BRIP1: variants seen among roughly 807,000 people sequenced by gnomAD.
BRIP1 encodes BRCA1 interacting DNA helicase 1.
A neutral mutation model predicts 119.7 loss-of-function variants in BRIP1; 88 were observed. The ratio of observed to expected loss-of-function variants is 0.74; its 90% CI spans 0.62 to 0.88. BRIP1 has a LOEUF of 0.88. Among genes scored for constraint, BRIP1 ranks in the 40% least tolerant of loss-of-function variants. BRIP1 has a pLI of 0.00. For missense variants in BRIP1, 1,259 were observed against 1,455.4 expected (o/e 0.87, Z 2.20); for synonymous variants, 443 against 496.5 (o/e 0.89, Z 1.43).
rs876659409 is a variant in BRIP1, at chr17:61,693,469, C to G, written c.2536G>C (p.Asp846His). ...CTTGGGTTATTCCTAAAGCGATCAT[C>G]CACTAGAATAAGAGCTCCCCAATCA... Reference protein sequence around the residue: ...RNDWGALILVDDRFRNNPSRY... With the variant: ...RNDWGALILVHDRFRNNPSRY... The change falls in exon 18 of 20, where the codon GAT (aspartate) becomes CAT (histidine). Residue 846 changes from aspartate to histidine, a missense_variant. Coordinates refer to ENST00000259008, the MANE Select transcript of BRIP1 (RefSeq NM_032043.3). The surrounding 1 kb of genome is among the most constrained non-coding windows in gnomAD (Gnocchi z 4.2). 1 of 1,613,646 alleles carries G rather than the reference C, an allele frequency of 6.2e-7. No individual in the cohort carries two copies. Among genetic ancestry groups the G allele is most frequent in the Admixed American group, 1.7e-5 (1 of 60,012 alleles).
In BRIP1 at chr17:61,774,462, CATTAGGAGAAATACCTA is replaced by C. The variant is rs1437907764; in HGVS notation, c.2097+1922_2097+1938del. 6.6e-6 allele frequency among the ~76,000 whole-genome samples: 1 copy of C among 152,120 alleles called. No individual in the cohort carries two copies. Among genetic ancestry groups the C allele is most frequent in the African/African-American group, 2.4e-5 (1 of 41,412 alleles). On this transcript the variant is annotated intron_variant, in intron 14 of 19. Coordinates refer to ENST00000259008, the MANE Select transcript of BRIP1 (RefSeq NM_032043.3). This position sits in a 1 kb window ranked among gnomAD's most constrained non-coding sequence, Gnocchi z 5.8. The stretch of plus-strand genomic sequence containing the variant: ...GGGTGGGGGCCTAGGGGAGGGATAG[CATTAGGAGAAATACCTA>C]ATGTAAATGACGAGTTGATGGGTGC...
chr17:61,725,816 G>A lies in BRIP1; in HGVS notation c.2380-9753C>T, dbSNP rs924561455. On this transcript the variant is annotated intron_variant, in intron 16 of 19. Coordinates refer to ENST00000259008, the MANE Select transcript of BRIP1 (RefSeq NM_032043.3). The surrounding 1 kb of genome is among the most constrained non-coding windows in gnomAD (Gnocchi z 5.3). Reference sequence around the variant, plus strand: ...TAAAAAAAAAAATTATTTTAGAGACGCAGTCTCACTACATTGCCCAGGCTG... The same window carrying A: ...TAAAAAAAAAAATTATTTTAGAGACACAGTCTCACTACATTGCCCAGGCTG... Among the ~76,000 whole-genome samples the A allele has an allele frequency of 1.3e-5, 2 of 151,986 alleles. No homozygotes were observed. Among genetic ancestry groups the A allele is most frequent in the Non-Finnish European group, 1.5e-5 (1 of 68,008 alleles).
rs879408732 is a variant in BRIP1 at position 61,824,935 on chromosome 17, C to T, written c.628-16178G>A. On this transcript the variant is annotated intron_variant, in intron 6 of 19. Coordinates refer to ENST00000259008, the MANE Select transcript of BRIP1 (RefSeq NM_032043.3). The surrounding 1 kb of genome is among the most constrained non-coding windows in gnomAD (Gnocchi z 4.3). ...AATCCAATTCCAAAATGGACAAAGG[C>T]AACATCATACTGAATGAGCAAAAGC... is the stretch of plus-strand genomic sequence containing the variant. Among the ~76,000 whole-genome samples, 7 of 152,130 alleles carry T rather than the reference C, an allele frequency of 4.6e-5. No homozygotes were observed. The highest frequency in any genetic ancestry group is 7.4e-5 in the Non-Finnish European group (5 of 68,022).
In BRIP1 at chr17:61,756,353, A is replaced by G. The variant is rs889484517; in HGVS notation, c.2098-11762T>C. 4.6e-5 allele frequency among the ~76,000 whole-genome samples: 7 copies of G among 152,222 alleles called. No individual in the cohort carries two copies. The highest frequency in any genetic ancestry group is 1.7e-4 in the African/African-American group (7 of 41,464). On this transcript the variant is annotated intron_variant, in intron 14 of 19. Coordinates refer to ENST00000259008, the MANE Select transcript of BRIP1 (RefSeq NM_032043.3). The surrounding 1 kb of genome is among the most constrained non-coding windows in gnomAD (Gnocchi z 4.3). Reference sequence around the variant, plus strand: ...GTACGATGACACAGAGCTGTCTCTCAGGTCTTATGGCTTACATATATGAAA... The same window carrying G: ...GTACGATGACACAGAGCTGTCTCTCGGGTCTTATGGCTTACATATATGAAA...
chr17:61,719,184 C>T (rs545565661), intron 16 of BRIP1, among the ~76,000 whole-genome samples: 2 of 148,564 alleles, frequency 1.3e-5, no homozygotes, highest in African/African-American at 2.5e-5. Context: ...TTGCCCCCCC[C>T]CCATGTTTAT....
intron 4 of BRIP1, among the ~76,000 whole-genome samples, chr17:61,855,370 G>A (rs1292184295): frequency 6.6e-6 from 1 of 152,114 alleles, no homozygotes; most frequent in Non-Finnish European, 1.5e-5. Flanking sequence ...TTGAGGTCAG[G>A]AGTTCGAGAC....
chr17:61,713,307 AT>A lies in BRIP1; in HGVS notation c.2492+2643del, dbSNP rs1309397244. ...ACTACAGTGTACTCCTTTCACTTAC[AT>A]TAAAAAAAAAGTTAACTATAAAACA... On this transcript the variant is annotated intron_variant, in intron 17 of 19. Coordinates refer to ENST00000259008, the MANE Select transcript of BRIP1 (RefSeq NM_032043.3). This position sits in a 1 kb window ranked among gnomAD's most constrained non-coding sequence, Gnocchi z 4.9. Among the ~76,000 whole-genome samples, 1 of 150,114 alleles carries A rather than the reference AT, an allele frequency of 6.7e-6. No individual in the cohort carries two copies. The highest frequency in any genetic ancestry group is 1.5e-5 in the Non-Finnish European group (1 of 67,470).
At position 61,680,486 on chromosome 17, in the gene BRIP1, T is replaced by C. The variant is rs2061256807; in HGVS notation, c.*2810A>G. 6.9e-6 allele frequency among the ~76,000 whole-genome samples: 1 copy of C among 144,508 alleles called. No individual in the cohort carries two copies. The highest frequency in any genetic ancestry group is 6.8e-5 in the Admixed American group (1 of 14,618). 94.8% of individuals were successfully genotyped at this position (144,508 alleles called of 152,430 possible). A position where few individuals can be genotyped will look rare whatever the true frequency, so the allele number is the denominator to read the frequency against. On this transcript the variant is annotated 3_prime_UTR_variant, in exon 20 of 20. Transcript: ENST00000259008. ...CCAATTCTAAAGGTAATTTCTTTTT[T>C]TTTTTTTTTTTGAGACGGAGTCCCG...
At chr17:61,835,337 C>A (rs2078555895) in intron 6 of BRIP1, among the ~76,000 whole-genome samples, 1 of 151,786 alleles carries the variant, frequency 6.6e-6, no homozygotes, top group Admixed American at 6.6e-5. Flanking sequence ...AAGGACAAGA[C>A]AACTACTAGC....
chr17:61,860,678 G>C lies in BRIP1; in HGVS notation c.93+769C>G, dbSNP rs1284567251. On this transcript the variant is annotated intron_variant, in intron 2 of 19. Transcript: ENST00000259008. The surrounding 1 kb of genome is among the most constrained non-coding windows in gnomAD (Gnocchi z 4.1). Reference sequence around the variant, plus strand: ...CTGTCTCAAAAACAAAAAGAAAAAAGGAAGTTCACAGCAGCATTGTTTGTA... The same window carrying C: ...CTGTCTCAAAAACAAAAAGAAAAAACGAAGTTCACAGCAGCATTGTTTGTA... 6.6e-6 allele frequency among the ~76,000 whole-genome samples: 1 copy of C among 151,920 alleles called. No homozygotes were observed. The highest frequency in any genetic ancestry group is 1.5e-5 in the Non-Finnish European group (1 of 67,974).
At chr17:61,696,231 T>C in intron 17 of BRIP1, among the ~76,000 whole-genome samples, 1 of 150,450 alleles carries the variant, frequency 6.6e-6, no homozygotes, top group African/African-American at 2.4e-5. Flanking sequence ...GAGAAGATCG[T>C]GTGGTTTTAG....
At position 61,831,177 on chromosome 17, in the gene BRIP1, T is replaced by G. The variant is rs1318996320; in HGVS notation, c.627+15924A>C. ...CTAGCACAAATGTCATACAGAACAGTGAGGGACCAGAATGTTTTCCACCAC... is the reference window on the plus strand; with the variant it reads ...CTAGCACAAATGTCATACAGAACAGGGAGGGACCAGAATGTTTTCCACCAC... On this transcript the variant is annotated intron_variant, in intron 6 of 19. Coordinates refer to ENST00000259008, the MANE Select transcript of BRIP1 (RefSeq NM_032043.3). The surrounding 1 kb of genome is among the most constrained non-coding windows in gnomAD (Gnocchi z 4.1). 6.6e-6 allele frequency among the ~76,000 whole-genome samples: 1 copy of G among 152,176 alleles called. No homozygotes were observed. Among genetic ancestry groups the G allele is most frequent in the Non-Finnish European group, 1.5e-5 (1 of 68,016 alleles).
intron 6 of BRIP1, among the ~76,000 whole-genome samples, chr17:61,811,451 G>A (rs370206337): frequency 2.6e-5 from 4 of 151,742 alleles, no homozygotes; most frequent in African/African-American, 7.3e-5. Flanking sequence ...TCGAACTCCC[G>A]AAATCAGGTG....
rs1484775141 is a variant in BRIP1, at chr17:61,845,978, C to T, written c.627+1123G>A. Among the ~76,000 whole-genome samples the T allele has an allele frequency of 2.0e-5, 3 of 151,762 alleles. No homozygotes were observed. The highest frequency in any genetic ancestry group is 1.9e-4 in the East Asian group (1 of 5,158). On this transcript the variant is annotated intron_variant, in intron 6 of 19. Coordinates refer to ENST00000259008, the MANE Select transcript of BRIP1 (RefSeq NM_032043.3). This position sits in a 1 kb window ranked among gnomAD's most constrained non-coding sequence, Gnocchi z 4.2. ...TGGGCGGATCACGAGGTCAGAAGAT[C>T]GAGACCATCCTGGCTAACGTGGTGA... is the stretch of plus-strand genomic sequence containing the variant.
In BRIP1 at chr17:61,683,928, T is replaced by C. The variant is rs876659428; in HGVS notation, c.3118A>G (p.Lys1040Glu). 1.2e-6 allele frequency: 2 copies of C among 1,614,220 alleles called. No homozygotes were observed. The highest frequency in any genetic ancestry group is 4.5e-5 in the East Asian group (2 of 44,880). Reference protein sequence around the residue: ...ASSPPRFKTEKMESKTVLPFT... With the variant: ...ASSPPRFKTEEMESKTVLPFT... ...GGCAAAACAGTTTTACTTTCCATCTTCTCTGTTTTGAAACGGGGAGGACTA... is the reference window on the plus strand; with the variant it reads ...GGCAAAACAGTTTTACTTTCCATCTCCTCTGTTTTGAAACGGGGAGGACTA... The change falls in exon 20 of 20, where the codon AAG becomes GAG. Residue 1040 changes from lysine (K) to glutamate (E), a missense_variant. Coordinates refer to ENST00000259008, the MANE Select transcript of BRIP1 (RefSeq NM_032043.3). This position sits in a 1 kb window ranked among gnomAD's most constrained non-coding sequence, Gnocchi z 4.7.
chr17:61,816,554 G>A lies in BRIP1; in HGVS notation c.628-7797C>T, dbSNP rs1161905776. 6.6e-6 allele frequency among the ~76,000 whole-genome samples: 1 copy of A among 152,142 alleles called. No homozygotes were observed. The highest frequency in any genetic ancestry group is 1.9e-4 in the East Asian group (1 of 5,194). ...AGTTGCTCCAGTTTCTGAAAAGTCTGTGTTTCAATAGAGTAAATCAATAAG... is the reference window on the plus strand; with the variant it reads ...AGTTGCTCCAGTTTCTGAAAAGTCTATGTTTCAATAGAGTAAATCAATAAG... On this transcript the variant is annotated intron_variant, in intron 6 of 19. Transcript: ENST00000259008. This position sits in a 1 kb window ranked among gnomAD's most constrained non-coding sequence, Gnocchi z 5.0.
In BRIP1 at chr17:61,691,670, G is replaced by A; in HGVS notation, c.2575+1760C>T. ...GGGGTTTCACCATGTTGGCCAGGCT[G>A]GTCTCAAACTCCTGACCTCGTGATC... On this transcript the variant is annotated intron_variant, in intron 18 of 19. Transcript: ENST00000259008. The surrounding 1 kb of genome is among the most constrained non-coding windows in gnomAD (Gnocchi z 5.0). 6.6e-6 allele frequency among the ~76,000 whole-genome samples: 1 copy of A among 152,146 alleles called. No individual in the cohort carries two copies. The highest frequency in any genetic ancestry group is 1.9e-4 in the East Asian group (1 of 5,192).
Position 61,862,257 on chromosome 17 carries a change from G to T in BRIP1, c.-30-688C>A, listed in dbSNP as rs1466296477. ...CTGTTATAAGAAAGAGAATGCCTTG[G>T]CACATAGTAGGCACTCAAAAATGTT... On this transcript the variant is annotated intron_variant, in intron 1 of 19. Coordinates refer to ENST00000259008, the MANE Select transcript of BRIP1 (RefSeq NM_032043.3). The surrounding 1 kb of genome is among the most constrained non-coding windows in gnomAD (Gnocchi z 5.3). Among the ~76,000 whole-genome samples the T allele has an allele frequency of 6.6e-6, 1 of 152,162 alleles. No homozygotes were observed. The highest frequency in any genetic ancestry group is 2.4e-5 in the African/African-American group (1 of 41,424).
chr17:61,733,636 A>G (rs2076879855), intron 16 of BRIP1, among the ~76,000 whole-genome samples: 1 of 152,172 alleles, frequency 6.6e-6, no homozygotes, highest in Admixed American at 6.5e-5. Context: ...GATTAAAATA[A>G]TATATACCCA....
Sources: gnomAD v4.1 joint callset for allele counts (sites outside exome capture counted in the v4.1 genomes callset) on GRCh38, gnomAD v4.1.1 for gene constraint, Gnocchi (gnomAD v3.1) non-coding constraint, MANE v1.5 for transcripts, NCBI Gene and HGNC (gene_info 2026-07-23, HGNC 2026-07-21) for gene names.